Variants in TTC39A observed in about 807,000 individuals in gnomAD.
The protein encoded by TTC39A is tetratricopeptide repeat protein 39A.
A neutral mutation model predicts 82.3 loss-of-function variants in TTC39A; 46 were observed. The ratio of observed to expected loss-of-function variants is 0.56; its 90% CI spans 0.44 to 0.71. TTC39A has a LOEUF of 0.71. Among genes scored for constraint, TTC39A ranks in the 30% least tolerant of loss-of-function variants. The pLI, the probability that TTC39A is intolerant of heterozygous loss-of-function variation, is 0.00. For missense variants in TTC39A, 543 were observed against 712.9 expected (o/e 0.76, Z 2.71); for synonymous variants, 254 against 275.2 (o/e 0.92, Z 0.76).
Position 51,311,393 on chromosome 1 carries a change from C to A in TTC39A, c.356-72G>T, listed in dbSNP as rs567236433. On this transcript the variant is annotated intron_variant, in intron 4 of 17. Transcript: ENST00000680483. ...AGGAGGCCTGGGACAAATCCTCACA[C>A]CCCAACTTCCCCAAAAGCAAAGGGA... The A allele has an allele frequency of 6.0e-5, 83 of 1,372,612 alleles. 1 individual carries two copies. The East Asian group carries it at 2.1e-3, about 34-fold the overall frequency. 85.0% of individuals were successfully genotyped at this position (1,372,612 alleles called of 1,614,324 possible).
intron 6 of TTC39A, among the ~76,000 whole-genome samples, chr1:51,308,402 G>C (rs1644955989): frequency 1.3e-5 from 2 of 152,080 alleles, no homozygotes; most frequent in Non-Finnish European, 2.9e-5. Flanking sequence ...ACCACGCCCT[G>C]CTAATTTTTG....
intron 2 of TTC39A, among the ~76,000 whole-genome samples, chr1:51,320,871 G>GTT (rs770160259): frequency 0.027 from 3,387 of 126,702 alleles, 267 homozygotes; most frequent in African/African-American, 0.098. Context: ...ATGTTTTCTG[G>GTT]TTTTTTTTTT....
Position 51,294,527 on chromosome 1 carries a change from GGAGGGTGGGA to G in TTC39A, c.1146-26_1146-17del, listed in dbSNP as rs1644341555. 1.2e-6 allele frequency: 2 copies of G among 1,613,570 alleles called. No homozygotes were observed. The highest frequency in any genetic ancestry group is 1.7e-6 in the Non-Finnish European group (2 of 1,179,826). Reference sequence around the variant, plus strand: ...TGGCACAGCTCTGCGAAAGAGATGGGGAGGGTGGGAGAGGATGAAAAAGAGCAGGAGAGGG... The same window carrying G: ...TGGCACAGCTCTGCGAAAGAGATGGGGAGGATGAAAAAGAGCAGGAGAGGG... On this transcript the variant is annotated splice_polypyrimidine_tract_variant and intron_variant, in intron 13 of 17. Transcript: ENST00000680483. This position sits in a 1 kb window ranked among gnomAD's most constrained non-coding sequence, Gnocchi z 4.3.
At chr1:51,338,539 G>C (rs905370714) in intron 1 of TTC39A, among the ~76,000 whole-genome samples, 2 of 151,716 alleles carry the variant, frequency 1.3e-5, no homozygotes, top group Non-Finnish European at 2.9e-5. Flanking sequence ...GCAAGCAAAG[G>C]AGGAGAGAAG....
upstream of TTC39A, chr1:51,331,032 G>T: frequency 1.3e-6 from 1 of 782,768 alleles, no homozygotes; most frequent in Non-Finnish European, 2.2e-6. Context: ...GGGAAAACAC[G>T]GTTTAGCACT....
intron 8 of TTC39A, among the ~76,000 whole-genome samples, chr1:51,304,755 A>G (rs1165812535): frequency 6.6e-6 from 1 of 152,240 alleles, no homozygotes; most frequent in Non-Finnish European, 1.5e-5. Flanking sequence ...AAAGTGAGGC[A>G]GTATCTAGGG....
chr1:51,340,030 C>G (rs961636250), intron 1 of TTC39A, among the ~76,000 whole-genome samples: 4 of 152,142 alleles, frequency 2.6e-5, no homozygotes, highest in African/African-American at 7.2e-5. Flanking sequence ...GCCCCTTCCT[C>G]CATGTGAAGA....
chr1:51,310,070 G>A (rs926361417), intron 5 of TTC39A, among the ~76,000 whole-genome samples: 1 of 151,912 alleles, frequency 6.6e-6, no homozygotes, highest in Non-Finnish European at 1.5e-5. Context: ...TTTGAGACCA[G>A]CCTGGCCAAC....
chr1:51,302,469 T>C, intron 10 of TTC39A, 37 bp downstream of exon 10: 1 of 1,607,338 alleles, frequency 6.2e-7, no homozygotes, highest in Non-Finnish European at 8.5e-7. Flanking sequence ...TGTGGGTGTT[T>C]GTGGGCTGGG....
intron 2 of TTC39A, among the ~76,000 whole-genome samples, chr1:51,317,270 G>C (rs2148255799): frequency 6.6e-6 from 1 of 152,340 alleles, no homozygotes; most frequent in South Asian, 2.1e-4. Context: ...GGCCATCAGT[G>C]AGGAAGGGAG....
intron 5 of TTC39A, 95 bp downstream of exon 5, chr1:51,311,159 G>A: frequency 8.4e-7 from 1 of 1,195,142 alleles, no homozygotes; most frequent in Non-Finnish European, 1.2e-6. Context: ...TGCTATGGGG[G>A]ATGGGTCACA....
chr1:51,344,666 G>C (rs544631889), intron 1 of TTC39A, among the ~76,000 whole-genome samples: 1 of 152,230 alleles, frequency 6.6e-6, no homozygotes, highest in Admixed American at 6.5e-5. Context: ...CGCAGACGCC[G>C]CTGCCCAAAC....
intron 11 of TTC39A, 162 bp from the exon 12 acceptor site, chr1:51,301,895 C>T (rs1217216415): frequency 1.9e-5 from 18 of 939,632 alleles, no homozygotes; most frequent in Non-Finnish European, 2.7e-5. Flanking sequence ...GGAGATCTGG[C>T]CTCCAGTCCT....
intron 2 of TTC39A, among the ~76,000 whole-genome samples, chr1:51,316,404 C>T (rs1645286592): frequency 6.6e-6 from 1 of 152,178 alleles, no homozygotes; most frequent in African/African-American, 2.4e-5. Context: ...CCAGCCTGTC[C>T]CCTCTTCCTG....
intron 9 of TTC39A, 21 bp downstream of exon 9, chr1:51,303,063 C>T: frequency 1.3e-6 from 2 of 1,565,888 alleles, no homozygotes; most frequent in Non-Finnish European, 1.7e-6. Context: ...CCCAGGGCCC[C>T]AGGTCCCCCT....
At chr1:51,307,949 G>C (rs922062207) in intron 6 of TTC39A, among the ~76,000 whole-genome samples, 3 of 151,644 alleles carry the variant, frequency 2.0e-5, no homozygotes, top group African/African-American at 7.3e-5. Context: ...TTTATTCTCT[G>C]TCTTTTGGTC....
At chr1:51,329,809 G>C (rs1295975284) in intron 1 of TTC39A, 1 of 152,428 alleles carries the variant, frequency 6.6e-6, no homozygotes, top group East Asian at 1.9e-4. Flanking sequence ...GGGTGATCTA[G>C]GTAGGGGTCC....
chr1:51,312,679 C>A, intron 3 of TTC39A, 133 bp downstream of exon 3: 1 of 1,355,784 alleles, frequency 7.4e-7, no homozygotes, highest in South Asian at 1.3e-5. Flanking sequence ...AGGGACAGCT[C>A]TTAGCACATG....
At chr1:51,290,707 G>T in intron 14 of TTC39A, 82 bp from the exon 15 acceptor site, 1 of 1,132,702 alleles carries the variant, frequency 8.8e-7, no homozygotes, top group Non-Finnish European at 1.3e-6. Context: ...GGGCAGTTCA[G>T]ATCAGAGGTT....
Sources: allele counts gnomAD v4.1 joint callset (sites outside exome capture counted in the v4.1 genomes callset), GRCh38; gene constraint gnomAD v4.1.1; non-coding constraint Gnocchi (gnomAD v3.1); transcripts MANE v1.5; gene names NCBI Gene and HGNC (gene_info 2026-07-23, HGNC 2026-07-21).